The following DNAH7 variants were observed in gnomAD, a reference collection of about 807,000 sequenced individuals.
DNAH7 encodes axonemal beta dynein heavy chain 7.
In DNAH7, 397 loss-of-function variants were observed where a neutral mutation model predicts 444.6. The ratio of observed to expected loss-of-function variants is 0.89; its 90% confidence interval spans 0.82 to 0.97. The LOEUF is 0.97. Among genes scored for constraint, DNAH7 ranks in the 50% least tolerant of loss-of-function variants. DNAH7 has a pLI of 0.00. For synonymous variants in DNAH7, 1,636 were observed against 1,624.4 expected (o/e 1.01, Z -0.17); for missense variants, 4,902 against 4,800.8 (o/e 1.02, Z -0.62).
At chr2:195,944,516 A>G (rs1293230467) in intron 19 of DNAH7, among the ~76,000 whole-genome samples, 1 of 152,296 alleles carries the variant, frequency 6.6e-6, no homozygotes, top group East Asian at 1.9e-4. Flanking sequence ...ACCTCTGCCA[A>G]GGATTCTGGC....
At chr2:195,881,445 T>C (rs1231141008) in intron 36 of DNAH7, among the ~76,000 whole-genome samples, 1 of 152,186 alleles carries the variant, frequency 6.6e-6, no homozygotes, top group African/African-American at 2.4e-5. Flanking sequence ...CCTTCAGATA[T>C]AAAATAACTT....
Position 195,789,179 on chromosome 2 carries a change from T to A in DNAH7, c.10717-2008A>T, listed in dbSNP as rs548170271. ...CACCAGATAATAGAATTTTTTTTTT[T>A]AATATGGAACCTATACCAAGTACAG... On this transcript the variant is annotated intron_variant, in intron 57 of 64. Coordinates refer to ENST00000312428, the MANE Select transcript of DNAH7 (RefSeq NM_018897.3). Among the ~76,000 whole-genome samples the A allele has an allele frequency of 3.3e-5, 5 of 152,174 alleles. No homozygotes were observed. In the South Asian group the frequency reaches 8.3e-4, roughly 25 times the overall value.
At position 195,884,624 on chromosome 2, in the gene DNAH7, A is replaced by G; in HGVS notation, c.5724T>C (p.Pro1908=). ...TSSKALTVPF[P]EKGTIYDYQF... is the part of the protein sequence containing the mutation. Reference sequence around the variant, plus strand: ...GATAATCATAAATTGTTCCTTTTTCAGGAAATGGGACAGTTAGTGCCTTTG... The same window carrying G: ...GATAATCATAAATTGTTCCTTTTTCGGGAAATGGGACAGTTAGTGCCTTTG... The change falls in exon 35 of 65, where the codon CCT becomes CCC. Residue 1908 remains proline (P), a synonymous_variant. Coordinates refer to ENST00000312428, the MANE Select transcript of DNAH7 (RefSeq NM_018897.3). The G allele has an allele frequency of 6.2e-7, 1 of 1,614,102 alleles. No homozygotes were observed. Among genetic ancestry groups the G allele is most frequent in the South Asian group, 1.1e-5 (1 of 91,070 alleles).
Position 195,936,708 on chromosome 2 carries a change from T to G in DNAH7, c.3163A>C (p.Lys1055Gln). 1 of 1,605,462 alleles carries G rather than the reference T, an allele frequency of 6.2e-7. No homozygotes were observed. Residue 1055 changes from lysine (K) to glutamine (Q), a missense_variant, in exon 20 of 65, where the codon AAA becomes CAA. Lys to Gln is a moderately conservative substitution (Grantham distance 53). Transcript: ENST00000312428. Reference sequence around the variant, plus strand: ...TTTTCCAAATATTCATTAAGTCCTTTAAGAATGAGCTCCAAAAGTTCATTA... The same window carrying G: ...TTTTCCAAATATTCATTAAGTCCTTGAAGAATGAGCTCCAAAAGTTCATTA... ...KSNELLELILKGLNEYLEKKR... is the reference protein window; with the variant it reads ...KSNELLELILQGLNEYLEKKR...
rs188628321 is a variant in DNAH7 at position 195,897,822 on chromosome 2, C to T, written c.4549-57G>A. The stretch of plus-strand genomic sequence containing the variant: ...TCTGCATCTCCTAACAGCACCTACC[C>T]GCTTCGTGTTCGCATACACACAAAC... On this transcript the variant is annotated intron_variant, in intron 28 of 64. Transcript: ENST00000312428. The T allele has an allele frequency of 1.1e-4, 110 of 1,014,674 alleles. No homozygotes were observed. The African/African-American group carries it at 1.5e-3, about 13-fold the overall frequency. 62.9% of individuals were successfully genotyped at this position (1,014,674 alleles called of 1,614,324 possible).
At position 195,894,729 on chromosome 2, in the gene DNAH7, G is replaced by C. The variant is rs532325770; in HGVS notation, c.4896+247C>G. 122 of 268,052 alleles carry C rather than the reference G, an allele frequency of 4.6e-4. 1 individual carries two copies. The South Asian group carries it at 0.016, about 35-fold the overall frequency. 16.6% of individuals were successfully genotyped at this position (268,052 alleles called of 1,614,324 possible). A position where few individuals can be genotyped will look rare whatever the true frequency, so the allele number is the denominator to read the frequency against. On this transcript the variant is annotated intron_variant, in intron 30 of 64. Coordinates refer to ENST00000312428, the MANE Select transcript of DNAH7 (RefSeq NM_018897.3). The stretch of plus-strand genomic sequence containing the variant: ...TGTTTTCAGACTTTTTTCTACAAGA[G>C]ACATGTATTACTTTAATAATTTTTT...
intron 24 of DNAH7, among the ~76,000 whole-genome samples, chr2:195,912,645 C>A (rs1294563430): frequency 1.3e-5 from 2 of 152,142 alleles, no homozygotes; most frequent in East Asian, 3.9e-4. Context: ...TTAAGGAACC[C>A]GCATAAACAT....
chr2:196,034,629 C>T (rs1696269592), intron 5 of DNAH7, among the ~76,000 whole-genome samples: 1 of 152,070 alleles, frequency 6.6e-6, no homozygotes, highest in Admixed American at 6.5e-5. Context: ...AATTTCAAAA[C>T]TTACTATGAA....
rs777366003 is a variant in DNAH7, at chr2:195,855,840, T to C, written c.8566A>G (p.Lys2856Glu). Reference sequence around the variant, plus strand: ...TTTTCCAGGTCAGCCTTCTTTTGTTTATTTAATTCAAGTGTGTCTTGAAGC... The same window carrying C: ...TTTTCCAGGTCAGCCTTCTTTTGTTCATTTAATTCAAGTGTGTCTTGAAGC... ...ARLQDTLELN[K>E]QKKADLENQV... The change falls in exon 45 of 65, where the codon AAA (lysine) becomes GAA (glutamate). Residue 2856 changes from lysine to glutamate, a missense_variant. Lys to Glu is a moderately conservative substitution (Grantham distance 56). Transcript: ENST00000312428. 6.2e-7 allele frequency: 1 copy of C among 1,613,752 alleles called. No individual in the cohort carries two copies. The highest frequency in any genetic ancestry group is 8.5e-7 in the Non-Finnish European group (1 of 1,179,830).
chr2:195,936,873 T>C (rs562023577), intron 19 of DNAH7, 81 bp from the exon 20 acceptor site: 2 of 1,123,800 alleles, frequency 1.8e-6, no homozygotes, highest in East Asian at 2.8e-5. Flanking sequence ...TTTGAGATTA[T>C]ATGTTTGTAA....
intron 42 of DNAH7, among the ~76,000 whole-genome samples, chr2:195,859,533 A>C (rs527796258): frequency 6.6e-6 from 1 of 152,300 alleles, no homozygotes; most frequent in Admixed American, 6.5e-5. Context: ...GATATACCAT[A>C]ATGTCTCCAA....
chr2:195,810,980 G>A (rs1696943116), intron 51 of DNAH7, among the ~76,000 whole-genome samples: 1 of 152,078 alleles, frequency 6.6e-6, no homozygotes, highest in African/African-American at 2.4e-5. Context: ...TTTAAAACAA[G>A]TCTCTTCTTG....
chr2:195,999,087 A>G, intron 12 of DNAH7: 1 of 716,988 alleles, frequency 1.4e-6, no homozygotes, highest in East Asian at 2.7e-5. Flanking sequence ...GCAAAGTTGG[A>G]AGTCATAATT....
At chr2:195,917,101 CAAA>C (rs34903739) in intron 24 of DNAH7, among the ~76,000 whole-genome samples, 2 of 53,356 alleles carry the variant, frequency 3.7e-5, no homozygotes. Flanking sequence ...GACTCCACCT[CAAA>C]AAAAAAAAAA....
intron 48 of DNAH7, among the ~76,000 whole-genome samples, chr2:195,825,625 A>G (rs1302755512): frequency 1.3e-5 from 2 of 152,228 alleles, no homozygotes; most frequent in African/African-American, 4.8e-5. Flanking sequence ...GCATTCTAGA[A>G]CAGGAATCCC....
At chr2:195,818,341 C>G (rs1249222946) in intron 49 of DNAH7, among the ~76,000 whole-genome samples, 1 of 152,196 alleles carries the variant, frequency 6.6e-6, no homozygotes, top group Non-Finnish European at 1.5e-5. Context: ...TTTTTACAAT[C>G]TGATAATCAG....
At chr2:195,875,897 C>T (rs1431202003) in intron 37 of DNAH7, 54 bp from the exon 38 acceptor site, 10 of 1,503,182 alleles carry the variant, frequency 6.7e-6, no homozygotes, top group Non-Finnish European at 7.1e-6. Flanking sequence ...AACATACAGT[C>T]CTATTGTGTA....
At chr2:195,797,452 A>C (rs1472421340) in intron 55 of DNAH7, among the ~76,000 whole-genome samples, 1 of 152,216 alleles carries the variant, frequency 6.6e-6, no homozygotes, top group Non-Finnish European at 1.5e-5. Flanking sequence ...TTTCTGGAAG[A>C]AGAGGAGACA....
chr2:195,792,104 T>C lies in DNAH7; in HGVS notation c.10716+2234A>G, dbSNP rs117464137. Among the ~76,000 whole-genome samples the C allele has an allele frequency of 6.3e-4, 86 of 135,490 alleles. No individual in the cohort carries two copies. The East Asian group carries it at 0.016, about 26-fold the overall frequency. The allele number at this position is 135,490 out of a possible 152,430, so 88.9% of individuals were successfully genotyped here. A position where few individuals can be genotyped will look rare whatever the true frequency, so the allele number is the denominator to read the frequency against. On this transcript the variant is annotated intron_variant, in intron 57 of 64. Transcript: ENST00000312428. Reference sequence around the variant, plus strand: ...ATCGTTTGAGCCCAAGAGGTGGAGGTTGCAGTGAGCTGTGATTGAGCCACT... The same window carrying C: ...ATCGTTTGAGCCCAAGAGGTGGAGGCTGCAGTGAGCTGTGATTGAGCCACT...
Sources: gnomAD v4.1 joint callset for allele counts (sites outside exome capture counted in the v4.1 genomes callset) on GRCh38, gnomAD v4.1.1 for gene constraint, MANE v1.5 for transcripts, NCBI Gene and HGNC (gene_info 2026-07-23, HGNC 2026-07-21) for gene names.